C9: variants seen among roughly 807,000 people sequenced by gnomAD.
C9 encodes the protein complement component C9.
In C9, 63 loss-of-function variants were observed where a neutral mutation model predicts 65.4. The observed-to-expected ratio is 0.96, with a 90% CI of 0.79 to 1.19. The LOEUF (loss-of-function observed/expected upper bound fraction) is 1.19. C9 is among the 50% of genes most tolerant of loss of function. C9 has a pLI of 0.00. For missense variants in C9, 744 were observed against 670.1 expected (o/e 1.11, Z -1.22); for synonymous variants, 229 against 227.9 (o/e 1.00, Z -0.04).
chr5:39,300,098 G>A (rs892685070), intron 9 of C9, among the ~76,000 whole-genome samples: 2 of 152,020 alleles, frequency 1.3e-5, no homozygotes, highest in African/African-American at 4.8e-5. Context: ...TACACTGCAG[G>A]TGCCTAAGAA....
intron 5 of C9, among the ~76,000 whole-genome samples, chr5:39,319,864 G>A (rs1467356320): frequency 1.3e-5 from 2 of 151,984 alleles, no homozygotes; most frequent in East Asian, 1.9e-4. Context: ...TATGGATACA[G>A]GCACCAGGCT....
intron 1 of C9, among the ~76,000 whole-genome samples, chr5:39,356,211 C>A (rs1373724153): frequency 6.6e-6 from 1 of 152,092 alleles, no homozygotes; most frequent in Non-Finnish European, 1.5e-5. Context: ...AGATGGGAAA[C>A]TAAAAATGGA....
intron 1 of C9, 99 bp from the exon 2 acceptor site, chr5:39,342,295 C>G: frequency 1.4e-6 from 1 of 692,782 alleles, no homozygotes; most frequent in Non-Finnish European, 2.7e-6. Flanking sequence ...TATCCCCTCT[C>G]AAATTATACC....
intron 5 of C9, among the ~76,000 whole-genome samples, chr5:39,319,297 C>G (rs1367468698): frequency 6.6e-6 from 1 of 152,176 alleles, no homozygotes; most frequent in East Asian, 1.9e-4. Flanking sequence ...AAAACTTCAG[C>G]CTTTGACTCT....
At chr5:39,359,309 T>C (rs1431527423) in intron 1 of C9, among the ~76,000 whole-genome samples, 2 of 151,770 alleles carry the variant, frequency 1.3e-5, no homozygotes, top group East Asian at 3.9e-4. Flanking sequence ...TACTAGATTT[T>C]TCAAGAAGAG....
At chr5:39,343,891 G>A (rs377214388) in intron 1 of C9, among the ~76,000 whole-genome samples, 7 of 152,284 alleles carry the variant, frequency 4.6e-5, no homozygotes, top group South Asian at 2.1e-4. Context: ...TGCAGCCTCC[G>A]CCACTGATAC....
chr5:39,297,594 C>T lies in C9; in HGVS notation c.1417-8643G>A, dbSNP rs1753206906. Reference sequence around the variant, plus strand: ...AAATGGAACCTCCTTGGCTATATTACCATACAAAAAATTCTTAACAAATAA... The same window carrying T: ...AAATGGAACCTCCTTGGCTATATTATCATACAAAAAATTCTTAACAAATAA... On this transcript the variant is annotated intron_variant, in intron 9 of 10. Coordinates refer to ENST00000263408, the MANE Select transcript of C9 (RefSeq NM_001737.5). Among the ~76,000 whole-genome samples the T allele has an allele frequency of 3.3e-5, 5 of 151,418 alleles. No homozygotes were observed. In the South Asian group the frequency reaches 1.0e-3, roughly 31 times the overall value.
At chr5:39,359,102 G>GTGTGTGTA (rs1407613505) in intron 1 of C9, among the ~76,000 whole-genome samples, 57 of 103,516 alleles carry the variant, frequency 5.5e-4, no homozygotes, top group South Asian at 1.3e-3. Context: ...GTGTGTGTGT[G>GTGTGTGTA]TATATATATA....
chr5:39,330,192 T>C (rs894689186), intron 5 of C9, among the ~76,000 whole-genome samples: 4 of 152,228 alleles, frequency 2.6e-5, no homozygotes, highest in Non-Finnish European at 5.9e-5. Flanking sequence ...TGAACATAGA[T>C]TAGTTTTGCT....
intron 4 of C9, 30 bp from the exon 5 acceptor site, chr5:39,331,844 G>T: frequency 6.2e-7 from 1 of 1,606,358 alleles, no homozygotes; most frequent in South Asian, 1.1e-5. Context: ...TATCAGAAGT[G>T]GAAATACCAC....
chr5:39,288,006 T>G (rs1204517820), intron 10 of C9, among the ~76,000 whole-genome samples: 9 of 151,980 alleles, frequency 5.9e-5, no homozygotes, highest in Non-Finnish European at 1.3e-4. Flanking sequence ...AAATAATGTT[T>G]CCTTATGATT....
chr5:39,303,623 C>A lies in C9; in HGVS notation c.1416+2994G>T, dbSNP rs137893762. Among the ~76,000 whole-genome samples the A allele has an allele frequency of 9.2e-5, 14 of 151,818 alleles. No homozygotes were observed. The East Asian group carries it at 2.7e-3, about 29-fold the overall frequency. ...AAATCTCAGTAACATATTCATACAG[C>A]ATTCCACTTAGAGTAAAACAGCAGG... On this transcript the variant is annotated intron_variant, in intron 9 of 10. Transcript: ENST00000263408.
At chr5:39,358,714 G>A (rs983843152) in intron 1 of C9, among the ~76,000 whole-genome samples, 2 of 151,974 alleles carry the variant, frequency 1.3e-5, no homozygotes, top group East Asian at 3.9e-4. Flanking sequence ...GGCCGGGCGC[G>A]GTGGCTCACG....
Position 39,323,490 on chromosome 5 carries a change from T to C in C9, c.616-7461A>G, listed in dbSNP as rs1355081113. On this transcript the variant is annotated intron_variant, in intron 5 of 10. Coordinates refer to ENST00000263408, the MANE Select transcript of C9 (RefSeq NM_001737.5). ...ACACAATGATCAAGTGAGATTTATATCTAGGATGCAAAGATAGTTTAACAT... is the reference window on the plus strand; with the variant it reads ...ACACAATGATCAAGTGAGATTTATACCTAGGATGCAAAGATAGTTTAACAT... Among the ~76,000 whole-genome samples, 8 of 149,848 alleles carry C rather than the reference T, an allele frequency of 5.3e-5. No homozygotes were observed. In the East Asian group the frequency reaches 1.4e-3, roughly 25 times the overall value.
At chr5:39,339,376 T>G (rs1402791361) in intron 4 of C9, among the ~76,000 whole-genome samples, 2 of 152,206 alleles carry the variant, frequency 1.3e-5, no homozygotes, top group African/African-American at 4.8e-5. Context: ...TCCTGGGATA[T>G]TTTTCTTACC....
Position 39,317,489 on chromosome 5 carries a change from G to A in C9, c.616-1460C>T, listed in dbSNP as rs1281618573. On this transcript the variant is annotated intron_variant, in intron 5 of 10. Coordinates refer to ENST00000263408, the MANE Select transcript of C9 (RefSeq NM_001737.5). Reference sequence around the variant, plus strand: ...CTATAGCTTTTGGTTTTACATATAAGTCTTTAGTCCATCTTGAGTTAATTT... The same window carrying A: ...CTATAGCTTTTGGTTTTACATATAAATCTTTAGTCCATCTTGAGTTAATTT... 3.3e-5 allele frequency among the ~76,000 whole-genome samples: 5 copies of A among 152,154 alleles called. No individual in the cohort carries two copies. The East Asian group carries it at 9.6e-4, about 29-fold the overall frequency.
intron 1 of C9, among the ~76,000 whole-genome samples, chr5:39,360,692 A>G (rs1754500683): frequency 6.6e-6 from 1 of 152,196 alleles, no homozygotes; most frequent in Non-Finnish European, 1.5e-5. Flanking sequence ...GTATGAAAAA[A>G]ATGTGCAATC....
chr5:39,353,841 T>C (rs1754367965), intron 1 of C9, among the ~76,000 whole-genome samples: 1 of 152,162 alleles, frequency 6.6e-6, no homozygotes, highest in Non-Finnish European at 1.5e-5. Context: ...TGAAACATAA[T>C]AGGTACTCAG....
chr5:39,341,093 T>G (rs1754067791), intron 4 of C9, 53 bp downstream of exon 4: 21 of 1,576,520 alleles, frequency 1.3e-5, no homozygotes, highest in Non-Finnish European at 1.5e-5. Context: ...ATGAGAGAGA[T>G]GGAGATCATT....
Sources: gnomAD v4.1 joint callset for allele counts (sites outside exome capture counted in the v4.1 genomes callset) on GRCh38, gnomAD v4.1.1 for gene constraint, MANE v1.5 for transcripts, NCBI Gene and HGNC (gene_info 2026-07-23, HGNC 2026-07-21) for gene names.